The following TRPV4 variants were observed in gnomAD, a reference collection of about 807,000 sequenced individuals.
The protein encoded by TRPV4 is OSM9-like transient receptor potential channel 4.
A neutral mutation model predicts 84.1 loss-of-function variants in TRPV4; 58 were observed. That is an observed-to-expected ratio of 0.69 (90% CI 0.56 to 0.86). TRPV4 has a LOEUF of 0.86. TRPV4 is among the 40% of genes least tolerant of loss of function. TRPV4 has a pLI of 0.00. For synonymous variants in TRPV4, 489 were observed against 500.9 expected (o/e 0.98, Z 0.32); for missense variants, 879 against 1,181.1 (o/e 0.74, Z 3.75).
Position 109,788,621 on chromosome 12 carries a change from T to C in TRPV4, c.1987A>G (p.Ser663Gly), listed in dbSNP as rs1889846400. 1 of 1,614,270 alleles carries C rather than the reference T, an allele frequency of 6.2e-7. No individual in the cohort carries two copies. The highest frequency in any genetic ancestry group is 8.5e-7 in the Non-Finnish European group (1 of 1,180,048). Residue 663 changes from serine to glycine, a missense_variant, in exon 13 of 16, where the codon AGC becomes GGC. Transcript: ENST00000261740. ...AGGAGGAAGGTGCTGAAGGTCTCGC[T>C]GTCACGGCACGAGGGGTAAGTGGGC... ...TVPTYPSCRD[S>G]ETFSTFLLDL... is the part of the protein sequence containing the mutation.
Position 109,794,017 on chromosome 12 carries a change from C to A in TRPV4, c.1497G>T (p.Pro499=), listed in dbSNP as rs751852169. ...AYYQPLEGTP[P]YPYRTTVDYL... is the part of the protein sequence containing the mutation. ...AGTCCACCGTGGTGCGGTAAGGGTA[C>A]GGCGGCTGGGGAGCAGCAAGGGCAC... Residue 499 remains proline (P), a synonymous_variant, in exon 9 of 16, where the codon CCG becomes CCT. Transcript: ENST00000261740. The A allele has an allele frequency of 5.6e-6, 9 of 1,604,028 alleles. No individual in the cohort carries two copies. The highest frequency in any genetic ancestry group is 7.6e-6 in the Non-Finnish European group (9 of 1,176,830).
At chr12:109,828,915 GC>G in intron 1 of TRPV4, among the ~76,000 whole-genome samples, 1 of 152,272 alleles carries the variant, frequency 6.6e-6, no homozygotes, top group Admixed American at 6.5e-5. Flanking sequence ...ATGAACATCA[GC>G]CCTCACACCT....
intron 2 of TRPV4, among the ~76,000 whole-genome samples, chr12:109,811,657 CAA>C (rs753185768): frequency 3.8e-4 from 41 of 108,656 alleles, no homozygotes; most frequent in Admixed American, 7.7e-4. Flanking sequence ...GAACCTGTCT[CAA>C]AAAAAAAAAA....
intron 4 of TRPV4, among the ~76,000 whole-genome samples, chr12:109,801,516 A>G (rs1014333054): frequency 1.3e-5 from 2 of 152,000 alleles, no homozygotes; most frequent in Non-Finnish European, 2.9e-5. Context: ...CCCCTTCCAC[A>G]ATGATTGTAA....
intron 1 of TRPV4, among the ~76,000 whole-genome samples, chr12:109,825,592 A>C (rs896162923): frequency 1.4e-4 from 22 of 151,922 alleles, no homozygotes; most frequent in African/African-American, 4.8e-4. Flanking sequence ...GACTGCAGAG[A>C]CCTCACCTTT....
At chr12:109,805,182 GCTCA>G (rs1891043633) in intron 3 of TRPV4, among the ~76,000 whole-genome samples, 1 of 152,254 alleles carries the variant, frequency 6.6e-6, no homozygotes, top group African/African-American at 2.4e-5. Context: ...TGTCTGCTTT[GCTCA>G]CTATCATTCG....
chr12:109,790,935 T>C (rs961629545), intron 12 of TRPV4, among the ~76,000 whole-genome samples: 4 of 152,160 alleles, frequency 2.6e-5, no homozygotes, highest in Admixed American at 2.0e-4. Flanking sequence ...ATGTGGAAGA[T>C]AGATAGCAAA....
At chr12:109,795,561 G>A (rs755058562) in intron 7 of TRPV4, among the ~76,000 whole-genome samples, 6 of 152,132 alleles carry the variant, frequency 3.9e-5, no homozygotes, top group Non-Finnish European at 7.3e-5. Context: ...CCACAGAGAT[G>A]CTCTTATAGT....
rs1266025187 is a variant in TRPV4, at chr12:109,798,937, A to G, written c.854-25T>C. The G allele has an allele frequency of 1.9e-6, 3 of 1,596,594 alleles. No homozygotes were observed. The highest frequency in any genetic ancestry group is 2.6e-6 in the Non-Finnish European group (3 of 1,172,026). On this transcript the variant is annotated intron_variant, in intron 5 of 15. Coordinates refer to ENST00000261740, the MANE Select transcript of TRPV4 (RefSeq NM_021625.5). This position sits in a 1 kb window ranked among gnomAD's most constrained non-coding sequence, Gnocchi z 5.0. ...CCTGCGGGCCAGGGTGAAGGGTGGG[A>G]GGTCAGCGAAGGGGGCCCAGGGTGG... is the stretch of plus-strand genomic sequence containing the variant.
chr12:109,791,382 A>G (rs563349286), intron 12 of TRPV4, among the ~76,000 whole-genome samples: 54 of 152,166 alleles, frequency 3.5e-4, no homozygotes, highest in African/African-American at 1.3e-3. Context: ...CCTTGCCACA[A>G]AAAAAATAAT....
intron 7 of TRPV4, among the ~76,000 whole-genome samples, chr12:109,794,972 C>T (rs554097488): frequency 3.7e-4 from 56 of 152,266 alleles, no homozygotes; most frequent in Non-Finnish European, 5.6e-4. Context: ...GAGCCTAGAT[C>T]GCACTACTGC....
Position 109,798,867 on chromosome 12 carries a change from A to G in TRPV4, c.899T>C (p.Ile300Thr). Reference protein sequence around the residue: ...SLAACTNQPHIVNYLTENPHK... With the variant: ...SLAACTNQPHTVNYLTENPHK... ...GGGGTTCTCCGTCAGGTAGTTGACAATGTGGGGCTGGTTGGTGCAGGCAGC... is the reference window on the plus strand; with the variant it reads ...GGGGTTCTCCGTCAGGTAGTTGACAGTGTGGGGCTGGTTGGTGCAGGCAGC... Residue 300 changes from isoleucine to threonine, a missense_variant, in exon 6 of 16, where the codon ATT becomes ACT. By Grantham distance (89) the Ile-to-Thr change is moderately conservative. Coordinates refer to ENST00000261740, the MANE Select transcript of TRPV4 (RefSeq NM_021625.5). This position sits in a 1 kb window ranked among gnomAD's most constrained non-coding sequence, Gnocchi z 5.0. The G allele has an allele frequency of 6.2e-7, 1 of 1,613,668 alleles. No homozygotes were observed. The highest frequency in any genetic ancestry group is 8.5e-7 in the Non-Finnish European group (1 of 1,179,740).
chr12:109,784,873 G>A (rs1000758288), intron 14 of TRPV4, among the ~76,000 whole-genome samples: 5 of 147,522 alleles, frequency 3.4e-5, no homozygotes, highest in African/African-American at 1.2e-4. Context: ...GTGTGTGTGT[G>A]TGTGTGTGTG....
At chr12:109,799,725 A>G (rs866719296) in intron 5 of TRPV4, among the ~76,000 whole-genome samples, 4 of 152,150 alleles carry the variant, frequency 2.6e-5, no homozygotes, top group African/African-American at 4.8e-5. Context: ...ACATGCCTGG[A>G]AAGTGCAGAG....
chr12:109,784,092 G>A (rs1478799845), intron 15 of TRPV4, among the ~76,000 whole-genome samples: 10 of 152,104 alleles, frequency 6.6e-5, no homozygotes, highest in African/African-American at 2.2e-4. Flanking sequence ...TGAGGAGCTC[G>A]TCCTCCCTCC....
Position 109,788,728 on chromosome 12 carries a change from T to C in TRPV4, c.1892-12A>G. 6.2e-7 allele frequency: 1 copy of C among 1,613,858 alleles called. No homozygotes were observed. Among genetic ancestry groups the C allele is most frequent in the Non-Finnish European group, 8.5e-7 (1 of 1,180,006 alleles). On this transcript the variant is annotated splice_polypyrimidine_tract_variant and intron_variant, in intron 12 of 15. Coordinates refer to ENST00000261740, the MANE Select transcript of TRPV4 (RefSeq NM_021625.5). ...GAGGGAGACCAGGGCTGTGGGAGGATAGGGGTGGCACTCACTGAGTGTGAG... is the reference window on the plus strand; with the variant it reads ...GAGGGAGACCAGGGCTGTGGGAGGACAGGGGTGGCACTCACTGAGTGTGAG...
chr12:109,805,753 C>T (rs73409821), intron 3 of TRPV4, among the ~76,000 whole-genome samples: 2 of 152,188 alleles, frequency 1.3e-5, no homozygotes, highest in East Asian at 3.9e-4. Flanking sequence ...TATGCACATA[C>T]GCTAGCCTCT....
At chr12:109,817,152 T>A (rs1195978566) in intron 1 of TRPV4, among the ~76,000 whole-genome samples, 1 of 152,104 alleles carries the variant, frequency 6.6e-6, no homozygotes, top group African/African-American at 2.4e-5. Context: ...GGCTGCCACA[T>A]GCATTTGGGC....
At chr12:109,794,571 A>G in intron 7 of TRPV4, 84 bp from the exon 8 acceptor site, 1 of 1,413,984 alleles carries the variant, frequency 7.1e-7, no homozygotes, top group South Asian at 1.1e-5. Flanking sequence ...GCCTTCCCCC[A>G]CCCTCCACCC....
Sources: allele counts gnomAD v4.1 joint callset (sites outside exome capture counted in the v4.1 genomes callset), GRCh38; gene constraint gnomAD v4.1.1; non-coding constraint Gnocchi (gnomAD v3.1); transcripts MANE v1.5; gene names NCBI Gene and HGNC (gene_info 2026-07-23, HGNC 2026-07-21).